PPFIBP1: variants seen among roughly 807,000 people sequenced by gnomAD.
PPFIBP1 encodes the protein liprin-beta-1.
A neutral mutation model predicts 137.8 loss-of-function variants in PPFIBP1; 112 were observed. The ratio of observed to expected loss-of-function variants is 0.81; its 90% confidence interval spans 0.70 to 0.95. The LOEUF is 0.95. PPFIBP1 is among the 40% of genes least tolerant of loss of function. The pLI is 0.00. For missense variants in PPFIBP1, 1,083 were observed against 1,196.6 expected (o/e 0.91, Z 1.40); for synonymous variants, 378 against 417.3 (o/e 0.91, Z 1.15).
At chr12:27,646,917 A>T (rs2058541133) in intron 5 of PPFIBP1, among the ~76,000 whole-genome samples, 1 of 152,348 alleles carries the variant, frequency 6.6e-6, no homozygotes, top group African/African-American at 2.4e-5. Context: ...ACCTTTGGGT[A>T]TATTGAGTTG....
chr12:27,655,346 C>T lies in PPFIBP1; in HGVS notation c.696+532C>T, dbSNP rs1593169499. On this transcript the variant is annotated intron_variant, in intron 8 of 29. Coordinates refer to ENST00000228425, the MANE Select transcript of PPFIBP1 (RefSeq NM_003622.4). Reference sequence around the variant, plus strand: ...GTGCATTCATTCTGTGTGTGTGTCACCTGTTGATTACAAATCACCTCAAGC... The same window carrying T: ...GTGCATTCATTCTGTGTGTGTGTCATCTGTTGATTACAAATCACCTCAAGC... The T allele has an allele frequency of 8.0e-6, 6 of 747,266 alleles. No homozygotes were observed. In the South Asian group the frequency reaches 8.9e-5, roughly 11 times the overall value. The allele number at this position is 747,266 out of a possible 1,614,324, so 46.3% of individuals were successfully genotyped here. A position where few individuals can be genotyped will look rare whatever the true frequency, so the allele number is the denominator to read the frequency against.
intron 12 of PPFIBP1, among the ~76,000 whole-genome samples, chr12:27,665,945 A>G (rs1200003284): frequency 3.3e-5 from 5 of 152,250 alleles, no homozygotes; most frequent in East Asian, 1.9e-4. Flanking sequence ...TCTCTATCCT[A>G]TGGAATATTG....
At chr12:27,666,201 A>G (rs12370473) in intron 12 of PPFIBP1, among the ~76,000 whole-genome samples, 22,215 of 152,184 alleles carry the variant, frequency 0.15, 1,973 homozygotes, top group Non-Finnish European at 0.2. Context: ...TTTCCTGTGC[A>G]TACAAACGTG....
intron 2 of PPFIBP1, among the ~76,000 whole-genome samples, chr12:27,627,127 G>A (rs1025671888): frequency 6.6e-6 from 1 of 152,052 alleles, no homozygotes; most frequent in Non-Finnish European, 1.5e-5. Flanking sequence ...AATTCTTTTA[G>A]TTATTTATAA....
chr12:27,628,003 G>C (rs2138820750), intron 2 of PPFIBP1, among the ~76,000 whole-genome samples: 1 of 152,134 alleles, frequency 6.6e-6, no homozygotes, highest in Admixed American at 6.5e-5. Flanking sequence ...GGCTTCTCCA[G>C]TTTGAACTAT....
In PPFIBP1 at chr12:27,578,465, G is replaced by A. The variant is rs1244330799; in HGVS notation, c.-36+226G>A. Among the ~76,000 whole-genome samples the A allele has an allele frequency of 2.6e-5, 4 of 152,292 alleles. No homozygotes were observed. In the East Asian group the frequency reaches 7.7e-4, roughly 29 times the overall value. On this transcript the variant is annotated intron_variant, in intron 2 of 29. Transcript: ENST00000228425. ...GTAGGATTTAGACGCGGTGTGGCAG[G>A]CAGTGAGCAAATCTTCATTTGGCAC...
intron 12 of PPFIBP1, 68 bp downstream of exon 12, chr12:27,664,514 G>T: frequency 9.0e-7 from 1 of 1,109,514 alleles, no homozygotes; most frequent in Admixed American, 2.0e-5. Context: ...TACACATTTG[G>T]CCTCAATTTC....
In PPFIBP1 at chr12:27,560,535, C is replaced by T. The variant is rs188885379; in HGVS notation, c.-123-17617C>T. On this transcript the variant is annotated intron_variant, in intron 1 of 29. Coordinates refer to ENST00000228425, the MANE Select transcript of PPFIBP1 (RefSeq NM_003622.4). ...AAATTATTGGCATATTTTGGCTGTT[C>T]CTCAAAGCAGGACTGGCTGCATCTG... Among the ~76,000 whole-genome samples the T allele has an allele frequency of 1.1e-3, 165 of 152,228 alleles. 1 individual carries two copies. The highest frequency in any genetic ancestry group is 3.8e-3 in the African/African-American group (159 of 41,512).
chr12:27,587,736 C>T (rs1185749543), intron 2 of PPFIBP1, among the ~76,000 whole-genome samples: 1 of 150,674 alleles, frequency 6.6e-6, no homozygotes, highest in Non-Finnish European at 1.5e-5. Flanking sequence ...TTTTCCCCAT[C>T]TTTGTTTTCT....
chr12:27,579,592 T>A (rs1377835566), intron 2 of PPFIBP1, among the ~76,000 whole-genome samples: 2 of 152,226 alleles, frequency 1.3e-5, no homozygotes, highest in Non-Finnish European at 2.9e-5. Flanking sequence ...TGTACAATAT[T>A]TTTTGCATTC....
intron 2 of PPFIBP1, among the ~76,000 whole-genome samples, chr12:27,617,002 C>T (rs2055834616): frequency 6.6e-6 from 1 of 152,162 alleles, no homozygotes; most frequent in South Asian, 2.1e-4. Flanking sequence ...GAAGTGGAGC[C>T]AACTCAACTT....
chr12:27,619,185 T>C (rs1002435588), intron 2 of PPFIBP1, among the ~76,000 whole-genome samples: 1 of 152,034 alleles, frequency 6.6e-6, no homozygotes, highest in Non-Finnish European at 1.5e-5. Flanking sequence ...CCCACAGATA[T>C]CAAAATCCAG....
rs115719991 is a variant in PPFIBP1, at chr12:27,694,159, C to A, written c.*1277C>A. On this transcript the variant is annotated 3_prime_UTR_variant, in exon 30 of 30. Coordinates refer to ENST00000228425, the MANE Select transcript of PPFIBP1 (RefSeq NM_003622.4). ...TGTGTGGCCTCCCACCCCACCCCAC[C>A]CTTCACACCTGGCTGATTTTTCAAA... is the stretch of plus-strand genomic sequence containing the variant. 1 of 151,804 alleles carries A rather than the reference C, an allele frequency of 6.6e-6. No individual in the cohort carries two copies. The highest frequency in any genetic ancestry group is 2.4e-5 in the African/African-American group (1 of 41,318). The allele number at this position is 151,804 out of a possible 1,614,324, so 9.4% of individuals were successfully genotyped here.
At chr12:27,597,143 C>A (rs1355234011) in intron 2 of PPFIBP1, among the ~76,000 whole-genome samples, 4 of 152,138 alleles carry the variant, frequency 2.6e-5, no homozygotes, top group Non-Finnish European at 5.9e-5. Flanking sequence ...TTGGGGCAGG[C>A]CAAAATGAGA....
intron 27 of PPFIBP1, 78 bp downstream of exon 27, chr12:27,689,281 T>G (rs1428252198): frequency 7.1e-7 from 1 of 1,404,714 alleles, no homozygotes; most frequent in South Asian, 1.5e-5. Flanking sequence ...TATTCTGTTT[T>G]CTGGGGTTTA....
At chr12:27,688,134 T>C (rs2061311029) in intron 25 of PPFIBP1, 164 bp from the exon 26 acceptor site, 2 of 804,328 alleles carry the variant, frequency 2.5e-6, no homozygotes, top group Non-Finnish European at 3.9e-6. Context: ...TATTAGTATA[T>C]AAGAAAGCTT....
intron 2 of PPFIBP1, among the ~76,000 whole-genome samples, chr12:27,624,408 A>G (rs2056627123): frequency 6.6e-6 from 1 of 152,264 alleles, no homozygotes; most frequent in African/African-American, 2.4e-5. Flanking sequence ...AAATCTACTG[A>G]CATTTAATAC....
At chr12:27,636,402 A>G (rs11494774) in intron 4 of PPFIBP1, 87,523 of 149,974 alleles carry the variant, frequency 0.58, 25,836 homozygotes, top group Admixed American at 0.64. Context: ...GTGTTTCCTG[A>G]CATATTCCTT....
intron 2 of PPFIBP1, among the ~76,000 whole-genome samples, chr12:27,623,580 C>T (rs1827587955): frequency 6.6e-6 from 1 of 151,980 alleles, no homozygotes; most frequent in Admixed American, 6.6e-5. Context: ...TGGTCGCACC[C>T]ACCTGTGGTC....
Sources: gnomAD v4.1 joint callset for allele counts (sites outside exome capture counted in the v4.1 genomes callset) on GRCh38, gnomAD v4.1.1 for gene constraint, MANE v1.5 for transcripts, NCBI Gene and HGNC (gene_info 2026-07-23, HGNC 2026-07-21) for gene names.